COPG2: variants seen among roughly 807,000 people sequenced by gnomAD.
COPG2 encodes the protein coat protein complex I subunit gamma 2, also known as coatomer subunit gamma-2.
Under a neutral mutation model 46.3 loss-of-function variants are expected in COPG2, and 37 were observed. The observed-to-expected ratio is 0.80, with a 90% CI of 0.61 to 1.05. COPG2 has a LOEUF of 1.05. COPG2 is among the 50% of genes least tolerant of loss of function. The probability of loss-of-function intolerance (pLI) is 0.00; values close to 1 mark genes in which losing one functional copy is unlikely to be tolerated. For synonymous variants in COPG2, 159 were observed against 129.7 expected (o/e 1.23, Z -1.53); for missense variants, 427 against 387.8 (o/e 1.10, Z -0.85).
intron 15 of COPG2, 108 bp from the exon 16 acceptor site, chr7:130,551,452 T>C (rs1054330654): frequency 1.0e-5 from 4 of 393,354 alleles, no homozygotes; most frequent in Non-Finnish European, 1.8e-5. Flanking sequence ...ATACTACCTT[T>C]AAAAAAGTGC....
intron 5 of COPG2, among the ~76,000 whole-genome samples, chr7:130,627,767 C>A (rs976687166): frequency 3.8e-4 from 4 of 10,586 alleles, no homozygotes; most frequent in Non-Finnish European, 8.0e-4. Flanking sequence ...TTTGGGGATG[C>A]GGGGGGTGGG....
At chr7:130,585,301 T>C (rs575960464) in intron 9 of COPG2, among the ~76,000 whole-genome samples, 1 of 152,164 alleles carries the variant, frequency 6.6e-6, no homozygotes, top group South Asian at 2.1e-4. Context: ...TCGCTTACCT[T>C]ATACAAAAAT....
chr7:130,590,706 C>T (rs1794385004), intron 9 of COPG2, among the ~76,000 whole-genome samples: 1 of 152,028 alleles, frequency 6.6e-6, no homozygotes, highest in African/African-American at 2.4e-5. Context: ...AGCGTCTCTG[C>T]CTGGCCGCCC....
intron 20 of COPG2, among the ~76,000 whole-genome samples, chr7:130,513,323 A>ATGTGTGTGTGTGTGTG (rs1401302098): frequency 0.14 from 6,815 of 48,022 alleles, 671 homozygotes; most frequent in South Asian, 0.18. Flanking sequence ...ATATATATAT[A>ATGTGTGTGTGTGTGTG]TATATATATA....
intron 20 of COPG2, among the ~76,000 whole-genome samples, chr7:130,532,991 T>C (rs1330887609): frequency 4.6e-5 from 7 of 151,850 alleles, no homozygotes; most frequent in African/African-American, 1.2e-4. Context: ...GCAGGAGAAA[T>C]GACCAACCTA....
intron 15 of COPG2, among the ~76,000 whole-genome samples, chr7:130,551,766 TA>T (rs1793537084): frequency 6.6e-6 from 1 of 152,232 alleles, no homozygotes; most frequent in Non-Finnish European, 1.5e-5. Flanking sequence ...TTGTTTTACG[TA>T]AACTAGCCAA....
rs59544911 is a variant in COPG2 at position 130,645,068 on chromosome 7, C to CA, written c.323+7800dup. Among the ~76,000 whole-genome samples the CA allele has an allele frequency of 7.9e-3, 894 of 113,432 alleles. 18 individuals are homozygous for CA. Among genetic ancestry groups the CA allele is most frequent in the Admixed American group, 0.058 (635 of 10,982 alleles). The allele number at this position is 113,432 out of a possible 152,430, so 74.4% of individuals were successfully genotyped here. On this transcript the variant is annotated intron_variant, in intron 5 of 23. Coordinates refer to ENST00000425248, the MANE Select transcript of COPG2 (RefSeq NM_012133.6). ...CAAGAGCGAGACTTCATCCCAAAAA[C>CA]AAAAAAAAAAAAAAAAAGAAAAGAA...
chr7:130,630,570 T>G (rs1001941366), intron 5 of COPG2, among the ~76,000 whole-genome samples: 1 of 152,184 alleles, frequency 6.6e-6, no homozygotes, highest in Non-Finnish European at 1.5e-5. Flanking sequence ...GAGAGATGAG[T>G]ACTGAAATTT....
chr7:130,578,790 T>G (rs1794069220), intron 9 of COPG2, among the ~76,000 whole-genome samples: 2 of 149,036 alleles, frequency 1.3e-5, no homozygotes, highest in Admixed American at 6.7e-5. Context: ...AGAAGGGAAG[T>G]TTAGAGAAAA....
At chr7:130,530,208 T>A (rs1799810867) in intron 20 of COPG2, among the ~76,000 whole-genome samples, 2 of 152,130 alleles carry the variant, frequency 1.3e-5, no homozygotes, top group Non-Finnish European at 2.9e-5. Context: ...AGGAAATGGA[T>A]CCAGATGGGC....
In COPG2 at chr7:130,646,971, GTATATATATATGTA is replaced by G. The variant is rs1795613585; in HGVS notation, c.323+5884_323+5897del. On this transcript the variant is annotated intron_variant, in intron 5 of 23. Transcript: ENST00000425248. Reference sequence around the variant, plus strand: ...TATATATATATGCATATATATATGTGTATATATATATGTATATATATATATGTGTATATATATAT... The same window carrying G: ...TATATATATATGCATATATATATGTGTATATATATATGTGTATATATATAT... 8.6e-3 allele frequency among the ~76,000 whole-genome samples: 136 copies of G among 15,892 alleles called. 4 individuals carry two copies. Among genetic ancestry groups the G allele is most frequent in the African/African-American group, 0.012 (121 of 10,090 alleles). 10.4% of individuals were successfully genotyped at this position (15,892 alleles called of 152,430 possible). A position where few individuals can be genotyped will look rare whatever the true frequency, so the allele number is the denominator to read the frequency against.
Position 130,550,516 on chromosome 7 carries a change from G to T in COPG2, c.1774+8C>A. 2.6e-6 allele frequency: 1 copy of T among 380,806 alleles called. No homozygotes were observed. Among genetic ancestry groups the T allele is most frequent in the South Asian group, 1.3e-4 (1 of 7,558 alleles). 23.6% of individuals were successfully genotyped at this position (380,806 alleles called of 1,614,324 possible). A position where few individuals can be genotyped will look rare whatever the true frequency, so the allele number is the denominator to read the frequency against. ...CTACTTATACACAGAAAAATGAATA[G>T]AGTGAACCTGCTTTCTGTTCAAAGA... is the stretch of plus-strand genomic sequence containing the variant. On this transcript the variant is annotated splice_region_variant and intron_variant, in intron 17 of 23. Transcript: ENST00000425248.
chr7:130,585,423 CA>C (rs1794246905), intron 9 of COPG2, among the ~76,000 whole-genome samples: 1 of 151,994 alleles, frequency 6.6e-6, no homozygotes, highest in Non-Finnish European at 1.5e-5. Flanking sequence ...ATTTAATGAT[CA>C]AGAACCCAAA....
chr7:130,615,287 A>T (rs1794931012), intron 6 of COPG2, among the ~76,000 whole-genome samples: 1 of 152,212 alleles, frequency 6.6e-6, no homozygotes, highest in Non-Finnish European at 1.5e-5. Flanking sequence ...CTGTTGGGGA[A>T]ATCTTATCTG....
intron 20 of COPG2, among the ~76,000 whole-genome samples, chr7:130,522,493 G>C (rs1043115448): frequency 4.0e-5 from 6 of 151,704 alleles, no homozygotes; most frequent in African/African-American, 7.3e-5. Flanking sequence ...CGATACGAAG[G>C]GGGTTTAGAG....
intron 4 of COPG2, among the ~76,000 whole-genome samples, chr7:130,658,138 A>G (rs11763462): frequency 0.099 from 15,024 of 152,290 alleles, 1,009 homozygotes; most frequent in Non-Finnish European, 0.15. Context: ...AACTGGTAAC[A>G]AGCCAAATAT....
intron 20 of COPG2, among the ~76,000 whole-genome samples, chr7:130,531,609 A>G (rs1225889170): frequency 1.3e-5 from 2 of 152,102 alleles, no homozygotes; most frequent in East Asian, 1.9e-4. Context: ...GATTCCACCT[A>G]TGTTGTATTT....
chr7:130,506,919 CAG>C, intron 23 of COPG2, 113 bp from the exon 24 acceptor site: 1 of 616,250 alleles, frequency 1.6e-6, no homozygotes, highest in African/African-American at 1.9e-5. Flanking sequence ...TTAGCTTTTC[CAG>C]AGACTTGTGG....
chr7:130,658,890 C>T (rs1397726541), intron 4 of COPG2, among the ~76,000 whole-genome samples: 2 of 151,992 alleles, frequency 1.3e-5, no homozygotes, highest in Non-Finnish European at 2.9e-5. Flanking sequence ...CTATGTTGAC[C>T]AGGCTGGTCT....
Sources: allele counts gnomAD v4.1 joint callset (sites outside exome capture counted in the v4.1 genomes callset), GRCh38; gene constraint gnomAD v4.1.1; transcripts MANE v1.5; gene names NCBI Gene and HGNC (gene_info 2026-07-23, HGNC 2026-07-21).